Variants in PKP4 observed in about 807,000 individuals in gnomAD.
PKP4 encodes plakophilin 4.
PKP4 carries 90 observed loss-of-function variants against 145.1 expected under a neutral mutation model. The observed-to-expected ratio is 0.62, with a 90% CI of 0.52 to 0.74. PKP4 has a LOEUF of 0.74. Among genes scored for constraint, PKP4 ranks in the 30% least tolerant of loss-of-function variants. The pLI is 0.00. For synonymous variants in PKP4, 563 were observed against 577.2 expected, an observed-to-expected ratio of 0.98 and a Z score of 0.35; for missense variants, 1,340 against 1,482.7, an observed-to-expected ratio of 0.90 and a Z score of 1.58.
chr2:158,475,416 C>T (rs1316012967), intron 1 of PKP4, among the ~76,000 whole-genome samples: 2 of 152,126 alleles, frequency 1.3e-5, no homozygotes, highest in Admixed American at 6.6e-5. Flanking sequence ...CAGAGGTTTG[C>T]ATTTTAATCT....
At chr2:158,506,279 G>A (rs548477042) in intron 1 of PKP4, among the ~76,000 whole-genome samples, 4 of 152,314 alleles carry the variant, frequency 2.6e-5, no homozygotes, top group African/African-American at 9.6e-5. Context: ...GCAGGTTGTG[G>A]TTGAGGAGAT....
At chr2:158,610,184 C>A (rs1484872536) in intron 4 of PKP4, among the ~76,000 whole-genome samples, 1 of 152,024 alleles carries the variant, frequency 6.6e-6, no homozygotes, top group Non-Finnish European at 1.5e-5. Flanking sequence ...TCAGCTTTGT[C>A]TTTTCTTGCA....
intron 6 of PKP4, among the ~76,000 whole-genome samples, chr2:158,622,304 G>C (rs2052339009): frequency 6.6e-6 from 1 of 151,948 alleles, no homozygotes; most frequent in Admixed American, 6.6e-5. Context: ...TAACTTGATA[G>C]CAAAAAATAT....
intron 6 of PKP4, among the ~76,000 whole-genome samples, chr2:158,623,438 C>T (rs1574835749): frequency 1.3e-5 from 2 of 152,282 alleles, no homozygotes; most frequent in South Asian, 4.1e-4. Context: ...CCTCCTCAGT[C>T]TCCCAATGTG....
At chr2:158,472,380 C>T (rs1326494364) in intron 1 of PKP4, among the ~76,000 whole-genome samples, 3 of 152,050 alleles carry the variant, frequency 2.0e-5, no homozygotes, top group South Asian at 2.1e-4. Flanking sequence ...GAGGCCGAGG[C>T]GGGCAGATCA....
intron 1 of PKP4, among the ~76,000 whole-genome samples, chr2:158,492,190 GA>G (rs535445415): frequency 4.0e-5 from 6 of 148,636 alleles, no homozygotes; most frequent in South Asian, 4.3e-4. Context: ...TGCCCTGATT[GA>G]AAAAAAAAAT....
Position 158,648,131 on chromosome 2 carries a change from G to A in PKP4, c.1909+5432G>A, listed in dbSNP as rs554342842. Among the ~76,000 whole-genome samples the A allele has an allele frequency of 3.9e-5, 6 of 152,104 alleles. No individual in the cohort carries two copies. The South Asian group carries it at 8.3e-4, about 21-fold the overall frequency. ...TACCAAAAAGTAGCCTTTGTTCTTCGGTAATAATAGACTTTGTTCATATGA... is the reference window on the plus strand; with the variant it reads ...TACCAAAAAGTAGCCTTTGTTCTTCAGTAATAATAGACTTTGTTCATATGA... On this transcript the variant is annotated intron_variant, in intron 11 of 21. Coordinates refer to ENST00000389759, the MANE Select transcript of PKP4 (RefSeq NM_003628.6).
chr2:158,548,772 G>T (rs1559307896), intron 2 of PKP4: 1 of 294,130 alleles, frequency 3.4e-6, no homozygotes, highest in Non-Finnish European at 6.5e-6. Context: ...CAGAGACTTG[G>T]CCTGGGCTGA....
At chr2:158,502,141 A>G (rs1311598630) in intron 1 of PKP4, among the ~76,000 whole-genome samples, 1 of 152,132 alleles carries the variant, frequency 6.6e-6, no homozygotes, top group East Asian at 1.9e-4. Flanking sequence ...ATCCACTTGG[A>G]TTTTTAAAAA....
chr2:158,566,319 C>T (rs2046983044), intron 2 of PKP4, among the ~76,000 whole-genome samples: 1 of 152,028 alleles, frequency 6.6e-6, no homozygotes, highest in African/African-American at 2.4e-5. Context: ...ATTAACTAGT[C>T]TACGTAGAGG....
intron 2 of PKP4, among the ~76,000 whole-genome samples, chr2:158,559,360 G>A (rs2105731356): frequency 6.6e-6 from 1 of 151,924 alleles, no homozygotes; most frequent in South Asian, 2.1e-4. Context: ...TTTCCAAAGG[G>A]ACCCAGTCTT....
intron 1 of PKP4, among the ~76,000 whole-genome samples, chr2:158,492,461 C>T (rs1695078899): frequency 6.6e-6 from 1 of 152,170 alleles, no homozygotes; most frequent in Non-Finnish European, 1.5e-5. Context: ...AGCCAGCAAC[C>T]TGCCTTCACT....
intron 3 of PKP4, among the ~76,000 whole-genome samples, chr2:158,591,856 G>C (rs921884862): frequency 3.9e-5 from 6 of 152,030 alleles, no homozygotes; most frequent in Admixed American, 3.3e-4. Flanking sequence ...AGAAAAAAGA[G>C]GGAAAGAAAG....
intron 7 of PKP4, among the ~76,000 whole-genome samples, chr2:158,630,961 G>A (rs1170788158): frequency 4.7e-5 from 4 of 84,352 alleles, no homozygotes; most frequent in Admixed American, 1.4e-4. Flanking sequence ...TTTTTGAGAC[G>A]GCGTCTTGCT....
intron 2 of PKP4, among the ~76,000 whole-genome samples, chr2:158,568,073 A>ACC (rs2047139123): frequency 6.6e-6 from 1 of 152,124 alleles, no homozygotes; most frequent in Non-Finnish European, 1.5e-5. Flanking sequence ...GGTGGCTCAC[A>ACC]TCTGTAATCC....
chr2:158,615,232 G>GA (rs2051487984), intron 4 of PKP4, among the ~76,000 whole-genome samples: 1 of 151,616 alleles, frequency 6.6e-6, no homozygotes, highest in Admixed American at 6.6e-5. Flanking sequence ...AAGTGTCTTT[G>GA]AAAAATATTT....
At chr2:158,593,640 T>G (rs573271247) in intron 3 of PKP4, among the ~76,000 whole-genome samples, 2 of 152,346 alleles carry the variant, frequency 1.3e-5, no homozygotes, top group Non-Finnish European at 2.9e-5. Flanking sequence ...TGAACTGTAT[T>G]TCCTGTTCCT....
chr2:158,555,841 C>T (rs916833750), intron 2 of PKP4, among the ~76,000 whole-genome samples: 16 of 152,184 alleles, frequency 1.1e-4, no homozygotes, highest in Admixed American at 1.0e-3. Flanking sequence ...TTTGTTTGTT[C>T]TCAAAATACC....
intron 2 of PKP4, among the ~76,000 whole-genome samples, chr2:158,554,318 T>C (rs1260251969): frequency 1.3e-5 from 2 of 152,156 alleles, no homozygotes; most frequent in African/African-American, 4.8e-5. Context: ...GGTAGGGCAG[T>C]CCCTTGGCTT....
Sources: allele counts gnomAD v4.1 joint callset (sites outside exome capture counted in the v4.1 genomes callset), GRCh38; gene constraint gnomAD v4.1.1; transcripts MANE v1.5; gene names NCBI Gene and HGNC (gene_info 2026-07-23, HGNC 2026-07-21).